Variants in FBXO47 observed in about 807,000 individuals in gnomAD.
The protein encoded by FBXO47 is F-box protein 47.
Under a neutral mutation model 53.9 loss-of-function variants are expected in FBXO47, and 34 were observed. The observed-to-expected ratio is 0.63, with a 90% CI of 0.48 to 0.84. The LOEUF is 0.84. Ranked by LOEUF, FBXO47 falls within the 40% of genes least tolerant of loss-of-function variation. The pLI is 0.00. For missense variants in FBXO47, 485 were observed against 541.3 expected, an observed-to-expected ratio of 0.90 and a Z score of 1.03; for synonymous variants, 165 against 181.6, an observed-to-expected ratio of 0.91 and a Z score of 0.73.
intron 4 of FBXO47, among the ~76,000 whole-genome samples, chr17:38,955,711 G>T (rs1905518380): frequency 6.6e-6 from 1 of 151,622 alleles, no homozygotes; most frequent in East Asian, 2.0e-4. Context: ...TGTAATCCCA[G>T]CACTTTGGGA....
chr17:38,954,367 T>C (rs1414473607), intron 5 of FBXO47, among the ~76,000 whole-genome samples: 1 of 148,694 alleles, frequency 6.7e-6, no homozygotes, highest in African/African-American at 2.4e-5. Flanking sequence ...TAGAACAGTG[T>C]TTGGCACACA....
At chr17:38,944,046 G>T (rs1324047650) in intron 7 of FBXO47, among the ~76,000 whole-genome samples, 1 of 151,862 alleles carries the variant, frequency 6.6e-6, no homozygotes, top group Non-Finnish European at 1.5e-5. Context: ...GCCAGGCATG[G>T]TGGTGCACGC....
intron 9 of FBXO47, among the ~76,000 whole-genome samples, chr17:38,941,620 T>TATATA (rs372467875): frequency 0.04 from 4,595 of 114,912 alleles, 119 homozygotes; most frequent in Non-Finnish European, 0.059. Flanking sequence ...AAATATAATA[T>TATATA]TATATATATA....
In FBXO47 at chr17:38,936,800, T is replaced by C. The variant is rs1915591110; in HGVS notation, c.*375A>G. On this transcript the variant is annotated 3_prime_UTR_variant, in exon 11 of 11. Coordinates refer to ENST00000378079, the MANE Select transcript of FBXO47 (RefSeq NM_001008777.3). The stretch of plus-strand genomic sequence containing the variant: ...CTATACAACTTAAACAAAGTGAACA[T>C]ACACACTATTTAGTGAATTTGGGTC... 6.2e-6 allele frequency: 1 copy of C among 160,938 alleles called. No homozygotes were observed. The highest frequency in any genetic ancestry group is 6.4e-5 in the Admixed American group (1 of 15,532). The allele number at this position is 160,938 out of a possible 1,614,324, so 10.0% of individuals were successfully genotyped here. A position where few individuals can be genotyped will look rare whatever the true frequency, so the allele number is the denominator to read the frequency against.
intron 3 of FBXO47, among the ~76,000 whole-genome samples, chr17:38,960,383 A>T (rs1598149059): frequency 6.6e-6 from 1 of 152,286 alleles, no homozygotes; most frequent in East Asian, 1.9e-4. Flanking sequence ...TTTGCATCAA[A>T]ATTAAATAGA....
intron 1 of FBXO47, among the ~76,000 whole-genome samples, chr17:38,964,407 C>T (rs1446687658): frequency 6.6e-6 from 1 of 152,092 alleles, no homozygotes; most frequent in Non-Finnish European, 1.5e-5. Context: ...ACCAGCCTGG[C>T]CAACATAGCG....
intron 1 of FBXO47, among the ~76,000 whole-genome samples, chr17:38,965,670 G>T (rs1242324053): frequency 7.3e-6 from 1 of 137,216 alleles, no homozygotes; most frequent in Non-Finnish European, 1.5e-5. Flanking sequence ...TCAGGAGATC[G>T]AGACCATCCT....
intron 6 of FBXO47, among the ~76,000 whole-genome samples, chr17:38,946,175 A>AAT (rs576937607): frequency 0.012 from 1,332 of 115,266 alleles, 29 homozygotes; most frequent in African/African-American, 0.041. Flanking sequence ...AATATATAAA[A>AAT]ATATATATAA....
At chr17:38,962,799 T>C (rs980381363) in intron 2 of FBXO47, 46 bp downstream of exon 2, 4 of 1,360,830 alleles carry the variant, frequency 2.9e-6, no homozygotes, top group Non-Finnish European at 4.0e-6. Context: ...AAAATTAAAA[T>C]ACTCTAGTGT....
intron 6 of FBXO47, among the ~76,000 whole-genome samples, chr17:38,948,180 C>G (rs976882565): frequency 2.1e-4 from 31 of 149,760 alleles, no homozygotes; most frequent in Admixed American, 3.4e-4. Flanking sequence ...ACTCTACTTT[C>G]CATCTCCATG....
At chr17:38,944,109 G>A (rs963122183) in intron 7 of FBXO47, among the ~76,000 whole-genome samples, 1 of 151,982 alleles carries the variant, frequency 6.6e-6, no homozygotes, top group African/African-American at 2.4e-5. Flanking sequence ...TTGAACCTGG[G>A]AGGCGGAGGT....
chr17:38,937,339 A>C (rs768459123), intron 10 of FBXO47, 49 bp from the exon 11 acceptor site: 1 of 672,284 alleles, frequency 1.5e-6, no homozygotes, highest in Non-Finnish European at 2.4e-6. Flanking sequence ...TAAAATGTTA[A>C]GTATATAATT....
At chr17:38,960,829 AC>A (rs1427341354) in intron 3 of FBXO47, among the ~76,000 whole-genome samples, 1 of 151,914 alleles carries the variant, frequency 6.6e-6, no homozygotes, top group African/African-American at 2.4e-5. Flanking sequence ...ACAGGGTTTC[AC>A]CATGTTGGCC....
chr17:38,945,948 A>AAAAAAAAAAAATAT (rs1184511532), intron 6 of FBXO47, among the ~76,000 whole-genome samples: 10 of 117,128 alleles, frequency 8.5e-5, no homozygotes, highest in African/African-American at 3.5e-4. Context: ...AAAAAAAAAA[A>AAAAAAAAAAAATAT]ATATATATAT....
At chr17:38,946,278 A>T (rs1260482957) in intron 6 of FBXO47, among the ~76,000 whole-genome samples, 1 of 88,170 alleles carries the variant, frequency 1.1e-5, no homozygotes, top group Non-Finnish European at 2.0e-5. Context: ...ATATATAAAA[A>T]TATATATAAA....
chr17:38,954,330 T>A (rs1276476729), intron 5 of FBXO47, among the ~76,000 whole-genome samples: 1 of 151,826 alleles, frequency 6.6e-6, no homozygotes, highest in Non-Finnish European at 1.5e-5. Context: ...TAAATAAAAA[T>A]AAATTAGTCA....
At position 38,962,019 on chromosome 17, in the gene FBXO47, C is replaced by T. The variant is rs1598149763; in HGVS notation, c.210G>A (p.Val70=). 6.2e-7 allele frequency: 1 copy of T among 1,613,278 alleles called. No individual in the cohort carries two copies. The highest frequency in any genetic ancestry group is 8.5e-7 in the Non-Finnish European group (1 of 1,179,836). The change falls in exon 3 of 11, where the codon GTG becomes GTA. Residue 70 remains valine (V), a synonymous_variant. Coordinates refer to ENST00000378079, the MANE Select transcript of FBXO47 (RefSeq NM_001008777.3). ...SVKDISMLSM[V]SKTVSQHIIN... ...TAATGTGTTGGCTGACTGTTTTGGA[C>T]ACCATGCTTAGCATGCTGATATCCT...
At position 38,951,700 on chromosome 17, in the gene FBXO47, T is replaced by C. The variant is rs112048775; in HGVS notation, c.508-11A>G. The C allele has an allele frequency of 4.0e-4, 637 of 1,579,528 alleles. 6 individuals are homozygous for C. The African/African-American group carries it at 7.2e-3, about 18-fold the overall frequency. On this transcript the variant is annotated splice_polypyrimidine_tract_variant and intron_variant, in intron 5 of 10. Coordinates refer to ENST00000378079, the MANE Select transcript of FBXO47 (RefSeq NM_001008777.3). ...ACCTGCTGTTAAGGTCTGAGGAAAA[T>C]AAAGAAAACATTGTGGATATTCAGA...
intron 6 of FBXO47, among the ~76,000 whole-genome samples, chr17:38,947,052 A>C (rs887196897): frequency 7.4e-6 from 1 of 135,232 alleles, no homozygotes; most frequent in African/African-American, 3.1e-5. Flanking sequence ...ATATATAAAA[A>C]CATATATAAA....
Sources: allele counts gnomAD v4.1 joint callset (sites outside exome capture counted in the v4.1 genomes callset), GRCh38; gene constraint gnomAD v4.1.1; transcripts MANE v1.5; gene names NCBI Gene and HGNC (gene_info 2026-07-23, HGNC 2026-07-21).